SLC27A6: variants seen among roughly 807,000 people sequenced by gnomAD.
The protein encoded by SLC27A6 is solute carrier family 27 member 6, also known as long-chain fatty acid transport protein 6.
A neutral mutation model predicts 63.9 loss-of-function variants in SLC27A6; 74 were observed. That is an observed-to-expected ratio of 1.16 (90% confidence interval 0.96 to 1.40). SLC27A6 has a LOEUF of 1.40. SLC27A6 is among the 40% of genes most tolerant of loss of function. SLC27A6 has a pLI of 0.00. For missense variants in SLC27A6, 794 were observed against 732.9 expected (o/e 1.08, Z -0.96); for synonymous variants, 287 against 260.8 (o/e 1.10, Z -0.97).
chr5:128,997,525 T>C (rs1383438768), intron 4 of SLC27A6, among the ~76,000 whole-genome samples: 2 of 152,336 alleles, frequency 1.3e-5, no homozygotes, highest in East Asian at 1.9e-4. Flanking sequence ...GCTAGTGGAA[T>C]TACACAGGAA....
At chr5:128,990,273 T>G (rs974789567) in intron 3 of SLC27A6, 67 bp from the exon 4 acceptor site, 2 of 1,482,116 alleles carry the variant, frequency 1.3e-6, no homozygotes, top group Non-Finnish European at 1.9e-6. Flanking sequence ...GAAACATCAT[T>G]CATGTTTTAT....
At chr5:129,010,596 A>T (rs1751696621) in intron 4 of SLC27A6, among the ~76,000 whole-genome samples, 1 of 152,210 alleles carries the variant, frequency 6.6e-6, no homozygotes, top group African/African-American at 2.4e-5. Flanking sequence ...ATAGAGGCCT[A>T]TGTGGAAGAA....
chr5:128,977,540 AAGG>A (rs1201025896), intron 1 of SLC27A6, among the ~76,000 whole-genome samples: 8 of 152,126 alleles, frequency 5.3e-5, no homozygotes, highest in Non-Finnish European at 8.8e-5. Flanking sequence ...CAGGAGGAGA[AAGG>A]AGGAAAAAGA....
intron 6 of SLC27A6, among the ~76,000 whole-genome samples, chr5:129,025,450 A>G (rs1405550373): frequency 6.6e-6 from 1 of 151,996 alleles, no homozygotes; most frequent in Non-Finnish European, 1.5e-5. Flanking sequence ...ACCTGGATAT[A>G]TATATATATA....
chr5:129,015,665 G>C (rs1751867362), intron 4 of SLC27A6, among the ~76,000 whole-genome samples: 1 of 152,060 alleles, frequency 6.6e-6, no homozygotes, highest in African/African-American at 2.4e-5. Flanking sequence ...AGAATGAGCT[G>C]TTCCCAGATA....
intron 4 of SLC27A6, among the ~76,000 whole-genome samples, chr5:129,015,636 C>T (rs902040172): frequency 6.6e-6 from 1 of 152,046 alleles, no homozygotes; most frequent in East Asian, 1.9e-4. Flanking sequence ...AAAAAAAAGC[C>T]TTTAGTGATC....
intron 9 of SLC27A6, 103 bp downstream of exon 9, chr5:129,029,810 G>T: frequency 9.9e-7 from 1 of 1,009,410 alleles, no homozygotes; most frequent in Non-Finnish European, 1.5e-6. Context: ...TGTGAGTTAT[G>T]TGAGAGGCGT....
Position 128,966,192 on chromosome 5 carries a change from T to G in SLC27A6, c.55T>G (p.Leu19Val), listed in dbSNP as rs2526247. The change falls in exon 1 of 10, where the codon TTG becomes GTG. Residue 19 changes from leucine (L) to valine (V), a missense_variant. By Grantham distance (32) the Leu-to-Val change is conservative (BLOSUM62 1). Coordinates refer to ENST00000262462, the MANE Select transcript of SLC27A6 (RefSeq NM_001017372.3). ...LGAGMVVLHF[L>V]QKLLFPYFWD... is the part of the protein sequence containing the mutation. Reference sequence around the variant, plus strand: ...GGCTGGAATGGTCGTCCTGCACTTCTTGCAGAAACTCCTGTTCCCTTACTT... The same window carrying G: ...GGCTGGAATGGTCGTCCTGCACTTCGTGCAGAAACTCCTGTTCCCTTACTT... 0.34 allele frequency: 545,528 copies of G among 1,594,112 alleles called. 98,455 individuals carry two copies. Among genetic ancestry groups the G allele is most frequent in the Middle Eastern group, 0.43 (2,573 of 5,918 alleles).
In SLC27A6 at chr5:128,997,743, T is replaced by G. The variant is rs527657941; in HGVS notation, c.969+7279T>G. On this transcript the variant is annotated intron_variant, in intron 4 of 9. Transcript: ENST00000262462. ...TCTTTGTAAAATTTCCCAAGAAATT[T>G]AGCTTTATGTAGGAAACCATCTGAT... Among the ~76,000 whole-genome samples the G allele has an allele frequency of 1.0e-3, 157 of 152,222 alleles. 1 individual carries two copies. Among genetic ancestry groups the G allele is most frequent in the Non-Finnish European group, 3.7e-4 (25 of 68,040 alleles).
chr5:129,008,462 A>G (rs1240342526), intron 4 of SLC27A6, among the ~76,000 whole-genome samples: 1 of 152,228 alleles, frequency 6.6e-6, no homozygotes, highest in Admixed American at 6.5e-5. Flanking sequence ...ATGCCAAGGC[A>G]TCTTATAAAT....
chr5:128,969,275 A>C (rs1302259591), intron 1 of SLC27A6, among the ~76,000 whole-genome samples: 1 of 152,130 alleles, frequency 6.6e-6, no homozygotes. Context: ...ATGAACTTTA[A>C]AGTAGTTTTT....
intron 6 of SLC27A6, 43 bp from the exon 7 acceptor site, chr5:129,027,090 A>C (rs780166569): frequency 1.3e-6 from 2 of 1,489,670 alleles, no homozygotes; most frequent in South Asian, 2.3e-5. Flanking sequence ...GTGTAACAAT[A>C]GTTTTAATCA....
At chr5:129,020,925 G>C (rs1287691949) in intron 5 of SLC27A6, among the ~76,000 whole-genome samples, 3 of 151,996 alleles carry the variant, frequency 2.0e-5, no homozygotes, top group African/African-American at 7.2e-5. Context: ...CTGTGTTGTG[G>C]AGTCAGAACA....
At chr5:129,009,576 A>G (rs1010694105) in intron 4 of SLC27A6, among the ~76,000 whole-genome samples, 3 of 152,192 alleles carry the variant, frequency 2.0e-5, no homozygotes, top group African/African-American at 7.2e-5. Context: ...TTCATTCCTT[A>G]TAAATAATAA....
chr5:128,967,660 T>C (rs6595870), intron 1 of SLC27A6, among the ~76,000 whole-genome samples: 72,576 of 151,982 alleles, frequency 0.48, 18,045 homozygotes, highest in East Asian at 0.82. Flanking sequence ...AGGCAGTATA[T>C]GGAAAATGGG....
chr5:128,983,515 G>T (rs916538587), intron 1 of SLC27A6, among the ~76,000 whole-genome samples: 3 of 151,838 alleles, frequency 2.0e-5, no homozygotes, highest in Admixed American at 1.3e-4. Context: ...GGCTGGTCTC[G>T]AACTCCTGAC....
intron 9 of SLC27A6, among the ~76,000 whole-genome samples, chr5:129,030,034 G>A (rs902397491): frequency 1.3e-5 from 2 of 151,970 alleles, no homozygotes; most frequent in African/African-American, 4.8e-5. Flanking sequence ...GGTGCTATGT[G>A]CCTAGAATTG....
At chr5:129,015,403 T>C (rs1751859388) in intron 4 of SLC27A6, among the ~76,000 whole-genome samples, 1 of 152,206 alleles carries the variant, frequency 6.6e-6, no homozygotes, top group South Asian at 2.1e-4. Flanking sequence ...AAGCACTGCG[T>C]ATTAACTATA....
intron 4 of SLC27A6, among the ~76,000 whole-genome samples, chr5:128,996,552 A>G (rs12173091): frequency 0.23 from 35,030 of 151,996 alleles, 5,155 homozygotes; most frequent in East Asian, 0.7. Context: ...TGCTTAGACA[A>G]TCCTGCAGTG....
Sources: allele counts gnomAD v4.1 joint callset (sites outside exome capture counted in the v4.1 genomes callset), GRCh38; gene constraint gnomAD v4.1.1; transcripts MANE v1.5; gene names NCBI Gene and HGNC (gene_info 2026-07-23, HGNC 2026-07-21).